The following WIPF1 variants were observed in gnomAD, a reference collection of about 807,000 sequenced individuals.
The protein encoded by WIPF1 is WAS/WASL-interacting protein family member 1.
A neutral mutation model predicts 35.4 loss-of-function variants in WIPF1; 13 were observed. That is an observed-to-expected ratio of 0.37 (90% CI 0.24 to 0.58). WIPF1 has a LOEUF of 0.58. Ranked by LOEUF, WIPF1 falls within the 20% of genes least tolerant of loss-of-function variation. WIPF1 has a pLI of 0.74. For synonymous variants in WIPF1, 267 were observed against 266.3 expected (o/e 1.00, Z -0.02); for missense variants, 591 against 667.0 (o/e 0.89, Z 1.25).
At chr2:174,655,119 T>C (rs1473275186) in intron 1 of WIPF1, among the ~76,000 whole-genome samples, 2 of 152,158 alleles carry the variant, frequency 1.3e-5, no homozygotes, top group Admixed American at 6.5e-5. Flanking sequence ...CATGACTGGC[T>C]GCCCAAGCCA....
At chr2:174,654,290 T>A (rs1687599583) in intron 1 of WIPF1, among the ~76,000 whole-genome samples, 1 of 152,248 alleles carries the variant, frequency 6.6e-6, no homozygotes, top group Non-Finnish European at 1.5e-5. Context: ...AACAAAGTGT[T>A]CTACTAAATT....
chr2:174,567,620 A>C lies in WIPF1; in HGVS notation c.1342+241T>G, dbSNP rs1015754437. On this transcript the variant is annotated intron_variant, in intron 6 of 7. Coordinates refer to ENST00000679041, the MANE Select transcript of WIPF1 (RefSeq NM_001375834.1). ...TCTCTGGAAAGTTAACTAAAATGAG[A>C]CCCAAACAAAGAACAGATCAGGGAA... 2.8e-4 allele frequency among the ~76,000 whole-genome samples: 42 copies of C among 152,216 alleles called. 1 individual carries two copies. The highest frequency in any genetic ancestry group is 1.2e-4 in the Non-Finnish European group (8 of 68,030).
intron 1 of WIPF1, among the ~76,000 whole-genome samples, chr2:174,617,324 G>A (rs572210845): frequency 6.6e-6 from 1 of 152,098 alleles, no homozygotes; most frequent in Non-Finnish European, 1.5e-5. Flanking sequence ...GAGCAATAAG[G>A]GTTAGAATAC....
At chr2:174,613,541 T>A (rs1686416591) in intron 1 of WIPF1, among the ~76,000 whole-genome samples, 1 of 152,224 alleles carries the variant, frequency 6.6e-6, no homozygotes, top group Non-Finnish European at 1.5e-5. Flanking sequence ...CAGTTCTTCA[T>A]CCTGCACTTA....
At chr2:174,656,678 C>T (rs945143045) in intron 1 of WIPF1, among the ~76,000 whole-genome samples, 7 of 152,276 alleles carry the variant, frequency 4.6e-5, no homozygotes, top group Admixed American at 3.9e-4. Context: ...GCTTAGAATC[C>T]CATGGCCAAC....
intron 1 of WIPF1, among the ~76,000 whole-genome samples, chr2:174,592,668 C>T (rs563378768): frequency 9.5e-5 from 14 of 148,118 alleles, no homozygotes; most frequent in South Asian, 4.2e-4. Flanking sequence ...TGCAGTGGTA[C>T]GATCTTGGCT....
At chr2:174,652,819 T>C (rs1302232927) in intron 1 of WIPF1, among the ~76,000 whole-genome samples, 1 of 151,744 alleles carries the variant, frequency 6.6e-6, no homozygotes, top group Non-Finnish European at 1.5e-5. Flanking sequence ...AAAAAAAAAC[T>C]TCATTTTCCA....
At chr2:174,679,891 T>C (rs1177720117) in intron 1 of WIPF1, among the ~76,000 whole-genome samples, 1 of 152,234 alleles carries the variant, frequency 6.6e-6, no homozygotes, top group Non-Finnish European at 1.5e-5. Context: ...GAAGTATTCA[T>C]CTGTCAAAGG....
chr2:174,680,755 C>G (rs1342383828), intron 1 of WIPF1, among the ~76,000 whole-genome samples: 1 of 152,134 alleles, frequency 6.6e-6, no homozygotes, highest in Non-Finnish European at 1.5e-5. Flanking sequence ...CTTCACCACC[C>G]ACCTTTCTGC....
At chr2:174,599,180 G>C (rs1049403011), upstream of WIPF1, among the ~76,000 whole-genome samples, 1 of 152,190 alleles carries the variant, frequency 6.6e-6, no homozygotes, top group African/African-American at 2.4e-5. Flanking sequence ...GGTAGCTGTT[G>C]GGGGTGGTGA....
At chr2:174,569,966 T>C (rs1684779184) in intron 5 of WIPF1, among the ~76,000 whole-genome samples, 1 of 152,262 alleles carries the variant, frequency 6.6e-6, no homozygotes, top group Non-Finnish European at 1.5e-5. Context: ...AATTTGGCAG[T>C]ACCTATTGAA....
At chr2:174,573,224 A>C (rs935534107) in intron 4 of WIPF1, among the ~76,000 whole-genome samples, 10 of 150,114 alleles carry the variant, frequency 6.7e-5, no homozygotes, top group Admixed American at 6.0e-4. Flanking sequence ...AGAGATGGAA[A>C]ATTTCAAACC....
At chr2:174,603,031 A>G (rs1686054918) in intron 1 of WIPF1, among the ~76,000 whole-genome samples, 1 of 152,204 alleles carries the variant, frequency 6.6e-6, no homozygotes, top group Non-Finnish European at 1.5e-5. Flanking sequence ...GATCATCAGA[A>G]TCAAGGAAAT....
chr2:174,624,784 G>A (rs1686778445), intron 1 of WIPF1, among the ~76,000 whole-genome samples: 1 of 152,106 alleles, frequency 6.6e-6, no homozygotes, highest in African/African-American at 2.4e-5. Context: ...TTCGCCAACT[G>A]GTTTTTAGGC....
At chr2:174,635,664 A>T (rs1687168415) in intron 1 of WIPF1, among the ~76,000 whole-genome samples, 1 of 151,726 alleles carries the variant, frequency 6.6e-6, no homozygotes, top group Admixed American at 6.6e-5. Flanking sequence ...AATATTCCAC[A>T]ATTTATAAGA....
chr2:174,633,532 C>G (rs769508981), intron 1 of WIPF1, among the ~76,000 whole-genome samples: 1 of 152,226 alleles, frequency 6.6e-6, no homozygotes, highest in Admixed American at 6.5e-5. Context: ...TAGAGCTGCA[C>G]AGCAGTCCAA....
chr2:174,606,557 A>G (rs1262490976), intron 1 of WIPF1, among the ~76,000 whole-genome samples: 1 of 152,184 alleles, frequency 6.6e-6, no homozygotes, highest in East Asian at 1.9e-4. Context: ...GGATGCCTGA[A>G]TGACACTTAA....
chr2:174,650,865 G>A (rs1332733626), intron 1 of WIPF1, among the ~76,000 whole-genome samples: 1 of 152,236 alleles, frequency 6.6e-6, no homozygotes, highest in African/African-American at 2.4e-5. Flanking sequence ...ACACAGCTTG[G>A]ATGAGAACAA....
chr2:174,571,808 T>C lies in WIPF1; in HGVS notation c.997A>G (p.Arg333Gly), dbSNP rs1684854555. The C allele has an allele frequency of 1.2e-6, 2 of 1,614,130 alleles. No homozygotes were observed. The highest frequency in any genetic ancestry group is 1.7e-6 in the Non-Finnish European group (2 of 1,180,008). ...AGGGACAGATTCCGCTGTGGGAGTC[T>C]TGGGGTTTCGTCATTGCCGCTGGAA... Reference protein sequence around the residue: ...PSSSGNDETPRLPQRNLSLSS... With the variant: ...PSSSGNDETPGLPQRNLSLSS... Residue 333 changes from arginine to glycine, a missense_variant, in exon 5 of 8, where the codon AGA becomes GGA. By Grantham distance (125) the Arg-to-Gly change is moderately radical. Around this residue, in one of 3 missense-constraint regions of WIPF1, gnomAD observed 471 missense variants for 501.1 expected, o/e 0.94. Coordinates refer to ENST00000679041, the MANE Select transcript of WIPF1 (RefSeq NM_001375834.1). This position sits in a 1 kb window ranked among gnomAD's most constrained non-coding sequence, Gnocchi z 4.6.
Sources: allele counts gnomAD v4.1 joint callset (sites outside exome capture counted in the v4.1 genomes callset), GRCh38; gene constraint gnomAD v4.1.1; regional missense constraint gnomAD v4.1.1; non-coding constraint Gnocchi (gnomAD v3.1); transcripts MANE v1.5; gene names NCBI Gene and HGNC (gene_info 2026-07-23, HGNC 2026-07-21).